DOCK3: variants seen among roughly 807,000 people sequenced by gnomAD.
The protein encoded by DOCK3 is dedicator of cytokinesis 3, also known as dedicator of cytokinesis protein 3.
In DOCK3, 60 loss-of-function variants were observed where a neutral mutation model predicts 265.6. The ratio of observed to expected loss-of-function variants is 0.23; its 90% CI spans 0.18 to 0.28. DOCK3 has a LOEUF of 0.28. Ranked by LOEUF, DOCK3 falls within the 10% of genes least tolerant of loss-of-function variation. The probability of loss-of-function intolerance (pLI) is 1.00; values close to 1 mark genes in which losing one functional copy is unlikely to be tolerated. For missense variants in DOCK3, 1,981 were observed against 2,594.3 expected, an observed-to-expected ratio of 0.76 and a Z score of 5.14; for synonymous variants, 881 against 938.0, an observed-to-expected ratio of 0.94 and a Z score of 1.11.
chr3:50,679,014 C>A (rs1325481401), intron 1 of DOCK3, among the ~76,000 whole-genome samples: 1 of 152,168 alleles, frequency 6.6e-6, no homozygotes, highest in Non-Finnish European at 1.5e-5. Context: ...GAGGTTTCAC[C>A]ATGTTAGCCA....
At chr3:50,871,647 A>G (rs1394277214) in intron 3 of DOCK3, among the ~76,000 whole-genome samples, 1 of 151,248 alleles carries the variant, frequency 6.6e-6, no homozygotes, top group African/African-American at 2.4e-5. Flanking sequence ...TTTAATGCCA[A>G]CTCTCAGATT....
chr3:51,054,827 A>G (rs193064761), intron 5 of DOCK3, among the ~76,000 whole-genome samples: 2 of 151,890 alleles, frequency 1.3e-5, no homozygotes, highest in Admixed American at 1.3e-4. Flanking sequence ...TCTTCTTTGG[A>G]TGGATGTGCT....
intron 22 of DOCK3, among the ~76,000 whole-genome samples, chr3:51,249,347 G>T (rs62257485): frequency 7.6e-6 from 1 of 132,438 alleles, no homozygotes; most frequent in Non-Finnish European, 1.6e-5. Flanking sequence ...GGCCCCGCCC[G>T]GCCAGCCGCC....
intron 1 of DOCK3, among the ~76,000 whole-genome samples, chr3:50,679,877 G>A (rs1256681425): frequency 6.6e-6 from 1 of 152,162 alleles, no homozygotes; most frequent in Non-Finnish European, 1.5e-5. Flanking sequence ...TAGTGTTTAT[G>A]GGGAACTTCC....
rs782195896 is a variant in DOCK3, at chr3:51,381,010, GGA to G, written c.5584-34_5584-33del. 6.5e-7 allele frequency: 1 copy of G among 1,546,274 alleles called. No homozygotes were observed. The highest frequency in any genetic ancestry group is 1.8e-5 in the Admixed American group (1 of 56,624). On this transcript the variant is annotated intron_variant, in intron 52 of 52. Coordinates refer to ENST00000266037, the MANE Select transcript of DOCK3 (RefSeq NM_004947.5). This position sits in a 1 kb window ranked among gnomAD's most constrained non-coding sequence, Gnocchi z 5.6. ...CTATGGCGGGCAAGTCAGCCTGTCT[GGA>G]GAGAGGGATTCTAACATGCCCACCC...
intron 38 of DOCK3, among the ~76,000 whole-genome samples, chr3:51,342,210 C>T (rs2085287289): frequency 6.6e-6 from 1 of 152,200 alleles, no homozygotes; most frequent in African/African-American, 2.4e-5. Flanking sequence ...GTCTATAAAT[C>T]AGAAAACATT....
chr3:50,795,889 A>G (rs916548341), intron 2 of DOCK3, among the ~76,000 whole-genome samples: 30 of 152,146 alleles, frequency 2.0e-4, no homozygotes, highest in African/African-American at 7.2e-4. Flanking sequence ...CAGCTCTTGT[A>G]TCATTTTATT....
chr3:50,920,178 A>AT (rs1247190468), intron 4 of DOCK3, among the ~76,000 whole-genome samples: 1 of 152,074 alleles, frequency 6.6e-6, no homozygotes, highest in Non-Finnish European at 1.5e-5. Flanking sequence ...TTTTGCATCG[A>AT]TTTTCATCAG....
intron 1 of DOCK3, among the ~76,000 whole-genome samples, chr3:50,696,945 A>G (rs2035663370): frequency 7.3e-6 from 1 of 137,310 alleles, no homozygotes; most frequent in Admixed American, 7.3e-5. Context: ...TTTTTTTTTT[A>G]AGAGAGAGTC....
intron 5 of DOCK3, among the ~76,000 whole-genome samples, chr3:50,940,640 G>C (rs1275269242): frequency 6.6e-6 from 1 of 152,044 alleles, no homozygotes; most frequent in Non-Finnish European, 1.5e-5. Context: ...AAACAATTTT[G>C]AAAAGAATAA....
At position 51,157,485 on chromosome 3, in the gene DOCK3, A is replaced by G. The variant is rs184699933; in HGVS notation, c.829-1759A>G. Among the ~76,000 whole-genome samples, 16 of 152,250 alleles carry G rather than the reference A, an allele frequency of 1.1e-4. No individual in the cohort carries two copies. In the South Asian group the frequency reaches 1.2e-3, roughly 12 times the overall value. On this transcript the variant is annotated intron_variant, in intron 10 of 52. Coordinates refer to ENST00000266037, the MANE Select transcript of DOCK3 (RefSeq NM_004947.5). ...GGTCTCGAACTCCTGACCTCAAGCG[A>G]TCCTCCCACCTCGGCCTCCCAGAGT...
intron 51 of DOCK3, chr3:51,379,599 A>T: frequency 1.0e-6 from 1 of 985,464 alleles, no homozygotes; most frequent in Non-Finnish European, 1.2e-6. Context: ...GGGTCCCCCG[A>T]TAGTCCCTGG....
intron 1 of DOCK3, among the ~76,000 whole-genome samples, chr3:50,729,380 T>TTTG (rs1559560413): frequency 1.8e-5 from 1 of 54,652 alleles, no homozygotes; most frequent in Non-Finnish European, 3.8e-5. Context: ...TTATTTATTT[T>TTTG]TATTTATTTA....
chr3:50,756,973 G>A (rs146090379), intron 1 of DOCK3, among the ~76,000 whole-genome samples: 7 of 151,640 alleles, frequency 4.6e-5, no homozygotes, highest in South Asian at 2.1e-4. Context: ...CAGTCCTCCC[G>A]TCTCAGCCTT....
chr3:51,091,019 C>T (rs2082616802), intron 9 of DOCK3, among the ~76,000 whole-genome samples: 1 of 152,104 alleles, frequency 6.6e-6, no homozygotes, highest in Admixed American at 6.6e-5. Context: ...AATTTATATG[C>T]CCCACAGTGC....
intron 14 of DOCK3, among the ~76,000 whole-genome samples, chr3:51,224,735 T>G (rs1257309697): frequency 6.6e-6 from 1 of 151,396 alleles, no homozygotes; most frequent in African/African-American, 2.5e-5. Flanking sequence ...AGCGTTTTAC[T>G]ATTTTTTTTT....
intron 21 of DOCK3, among the ~76,000 whole-genome samples, chr3:51,245,536 G>A (rs529638285): frequency 7.3e-5 from 11 of 151,566 alleles, no homozygotes; most frequent in South Asian, 2.1e-4. Flanking sequence ...GATTATAGGC[G>A]CACACCACCA....
chr3:50,698,502 G>A (rs73072438), intron 1 of DOCK3, among the ~76,000 whole-genome samples: 12,398 of 50,200 alleles, frequency 0.25, 721 homozygotes, highest in Non-Finnish European at 0.36. Flanking sequence ...GTTTCTCTGT[G>A]GATGTATGTT....
rs1008669749 is a variant in DOCK3, at chr3:50,903,749, CT to C, written c.218+13677del. Among the ~76,000 whole-genome samples, 433 of 150,626 alleles carry C rather than the reference CT, an allele frequency of 2.9e-3. 1 individual carries two copies. The highest frequency in any genetic ancestry group is 9.4e-3 in the African/African-American group (388 of 41,104). On this transcript the variant is annotated intron_variant, in intron 4 of 52. Coordinates refer to ENST00000266037, the MANE Select transcript of DOCK3 (RefSeq NM_004947.5). The stretch of plus-strand genomic sequence containing the variant: ...AGTTTTAGTAGAAATGGTACCAGCT[CT>C]TTTTTTTTATTTAAATGTGTATTTT...
Sources: gnomAD v4.1 joint callset for allele counts (sites outside exome capture counted in the v4.1 genomes callset) on GRCh38, gnomAD v4.1.1 for gene constraint, Gnocchi (gnomAD v3.1) non-coding constraint, MANE v1.5 for transcripts, NCBI Gene and HGNC (gene_info 2026-07-23, HGNC 2026-07-21) for gene names.